Variants in MARCHF3 observed in about 807,000 individuals in gnomAD.
MARCHF3 encodes E3 ubiquitin-protein ligase MARCHF3.
A neutral mutation model predicts 24.2 loss-of-function variants in MARCHF3; 13 were observed. The observed-to-expected ratio is 0.54, with a 90% CI of 0.35 to 0.85. The LOEUF is 0.85. Ranked by LOEUF, MARCHF3 falls within the 40% of genes least tolerant of loss-of-function variation. The pLI, the probability that MARCHF3 is intolerant of heterozygous loss-of-function variation, is 0.01. For missense variants in MARCHF3, 276 were observed against 325.0 expected (o/e 0.85, Z 1.16); for synonymous variants, 144 against 137.3 (o/e 1.05, Z -0.34).
intron 1 of MARCHF3, among the ~76,000 whole-genome samples, chr5:126,994,604 C>T (rs1480594122): frequency 6.6e-6 from 1 of 152,194 alleles, no homozygotes; most frequent in East Asian, 1.9e-4. Flanking sequence ...ATTAACCTCC[C>T]ACTTACATCA....
chr5:126,961,209 C>T (rs980035296), intron 1 of MARCHF3, among the ~76,000 whole-genome samples: 2 of 152,144 alleles, frequency 1.3e-5, no homozygotes, highest in Non-Finnish European at 2.9e-5. Context: ...AGCACAAACA[C>T]AGGTCCTTCC....
chr5:126,915,976 A>G (rs566893110), intron 2 of MARCHF3, among the ~76,000 whole-genome samples: 6 of 152,224 alleles, frequency 3.9e-5, no homozygotes, highest in Non-Finnish European at 7.3e-5. Context: ...GGGCACAAAA[A>G]TGGTGCCTTC....
chr5:127,019,847 A>C (rs1752738956), intron 1 of MARCHF3, among the ~76,000 whole-genome samples: 1 of 152,228 alleles, frequency 6.6e-6, no homozygotes, highest in Non-Finnish European at 1.5e-5. Flanking sequence ...GTACCACATT[A>C]CTTCCATGTG....
At chr5:126,880,570 T>C (rs1423820279) in intron 3 of MARCHF3, among the ~76,000 whole-genome samples, 3 of 152,194 alleles carry the variant, frequency 2.0e-5, no homozygotes, top group Admixed American at 6.5e-5. Flanking sequence ...TAGGGCATTA[T>C]TGTATCTTAA....
At chr5:126,888,875 G>C (rs188809973) in intron 3 of MARCHF3, among the ~76,000 whole-genome samples, 13 of 151,974 alleles carry the variant, frequency 8.6e-5, no homozygotes, top group African/African-American at 3.1e-4. Context: ...AGCTATTCTC[G>C]TGCCTCAGCC....
At chr5:126,895,696 G>A (rs931049695) in intron 3 of MARCHF3, among the ~76,000 whole-genome samples, 8 of 152,262 alleles carry the variant, frequency 5.3e-5, no homozygotes, top group African/African-American at 1.7e-4. Context: ...CATGCTGGGA[G>A]AACCACTGCT....
At chr5:126,876,962 T>G (rs188402076) in intron 4 of MARCHF3, among the ~76,000 whole-genome samples, 5 of 152,336 alleles carry the variant, frequency 3.3e-5, no homozygotes, top group Non-Finnish European at 7.3e-5. Context: ...AAGCGTAGAC[T>G]TCTAAAGGAA....
chr5:126,894,548 G>A (rs1475273309), intron 3 of MARCHF3, among the ~76,000 whole-genome samples: 1 of 151,762 alleles, frequency 6.6e-6, no homozygotes, highest in African/African-American at 2.4e-5. Flanking sequence ...TGCTTATGAA[G>A]GTTAGTTTGG....
intron 3 of MARCHF3, chr5:126,899,197 A>G: frequency 1.0e-6 from 1 of 985,314 alleles, no homozygotes; most frequent in South Asian, 4.7e-5. Flanking sequence ...TTCCATGAAG[A>G]ATGAGGAGGA....
intron 1 of MARCHF3, among the ~76,000 whole-genome samples, chr5:126,997,679 G>A (rs2126848012): frequency 6.6e-6 from 1 of 152,250 alleles, no homozygotes; most frequent in South Asian, 2.1e-4. Context: ...CTAAATTCCA[G>A]TTTACTCAAA....
In MARCHF3 at chr5:126,894,678, C is replaced by T. The variant is rs1238893535; in HGVS notation, c.394-16284G>A. Among the ~76,000 whole-genome samples the T allele has an allele frequency of 2.0e-5, 3 of 151,984 alleles. No homozygotes were observed. The East Asian group carries it at 5.8e-4, about 29-fold the overall frequency. ...ATCCGCTGTTAGTCTGATGGGCTTCCCTTTGAGGGTAACCCGCCCTTTCTC... is the reference window on the plus strand; with the variant it reads ...ATCCGCTGTTAGTCTGATGGGCTTCTCTTTGAGGGTAACCCGCCCTTTCTC... On this transcript the variant is annotated intron_variant, in intron 3 of 4. Coordinates refer to ENST00000308660, the MANE Select transcript of MARCHF3 (RefSeq NM_178450.5).
chr5:126,981,867 C>T (rs1751405679), intron 1 of MARCHF3, among the ~76,000 whole-genome samples: 1 of 152,112 alleles, frequency 6.6e-6, no homozygotes, highest in African/African-American at 2.4e-5. Flanking sequence ...TTTAATTTTA[C>T]CAGAAGAACA....
intron 1 of MARCHF3, among the ~76,000 whole-genome samples, chr5:126,954,746 A>G (rs1458004400): frequency 6.6e-6 from 1 of 151,906 alleles, no homozygotes; most frequent in Non-Finnish European, 1.5e-5. Flanking sequence ...GAATTTTAAA[A>G]AAAGTTTACA....
intron 1 of MARCHF3, among the ~76,000 whole-genome samples, chr5:126,988,749 C>T (rs1751647684): frequency 6.6e-6 from 1 of 152,014 alleles, no homozygotes; most frequent in Non-Finnish European, 1.5e-5. Context: ...ATTATTATTA[C>T]TACTATTACA....
At chr5:126,947,396 A>G (rs960175241) in intron 1 of MARCHF3, among the ~76,000 whole-genome samples, 14 of 152,254 alleles carry the variant, frequency 9.2e-5, no homozygotes, top group African/African-American at 3.4e-4. Context: ...CAAAAGAACA[A>G]AAGAACATCT....
At chr5:126,970,479 T>C (rs992591061) in intron 1 of MARCHF3, among the ~76,000 whole-genome samples, 2 of 152,140 alleles carry the variant, frequency 1.3e-5, no homozygotes, top group Admixed American at 6.5e-5. Context: ...TTTTTCTTTT[T>C]TTTTTTTCTT....
chr5:126,867,717 C>T lies in MARCHF3; in HGVS notation c.*2916G>A, dbSNP rs1281536611. ...GACAATGAAAGACAAATCAAAGTAA[C>T]TTCCAAATCATGCCATTTATTTTTC... On this transcript the variant is annotated 3_prime_UTR_variant, in exon 5 of 5. Transcript: ENST00000308660. The T allele has an allele frequency of 1.3e-5, 2 of 152,234 alleles. No individual in the cohort carries two copies. Among genetic ancestry groups the T allele is most frequent in the Non-Finnish European group, 2.9e-5 (2 of 68,060 alleles). 9.4% of individuals were successfully genotyped at this position (152,234 alleles called of 1,614,324 possible).
intron 1 of MARCHF3, among the ~76,000 whole-genome samples, chr5:126,950,630 T>C (rs528688396): frequency 3.5e-4 from 53 of 152,308 alleles, no homozygotes; most frequent in African/African-American, 1.2e-3. Context: ...TACACACTTA[T>C]CCACTCTAAG....
At chr5:126,875,492 T>C (rs925932889) in intron 4 of MARCHF3, among the ~76,000 whole-genome samples, 8 of 152,210 alleles carry the variant, frequency 5.3e-5, no homozygotes, top group Admixed American at 6.5e-5. Context: ...CACAGCATAT[T>C]CTCCTTAAGC....
Sources: gnomAD v4.1 joint callset for allele counts (sites outside exome capture counted in the v4.1 genomes callset) on GRCh38, gnomAD v4.1.1 for gene constraint, MANE v1.5 for transcripts, NCBI Gene and HGNC (gene_info 2026-07-23, HGNC 2026-07-21) for gene names.